The following WNK2 variants were observed in gnomAD, a reference collection of about 807,000 sequenced individuals.
WNK2 encodes WNK lysine deficient protein kinase 2.
WNK2 carries 67 observed loss-of-function variants against 192.1 expected under a neutral mutation model. The observed-to-expected ratio is 0.35, with a 90% CI of 0.29 to 0.43. WNK2 has a LOEUF of 0.43. Among genes scored for constraint, WNK2 ranks in the 20% least tolerant of loss-of-function variants. WNK2 has a pLI of 1.00. For missense variants in WNK2, 2,698 were observed against 3,089.7 expected (o/e 0.87, Z 3.01); for synonymous variants, 1,439 against 1,393.9 (o/e 1.03, Z -0.72).
chr9:93,287,658 G>T (rs942667944), intron 19 of WNK2, among the ~76,000 whole-genome samples: 1 of 152,204 alleles, frequency 6.6e-6, no homozygotes, highest in African/African-American at 2.4e-5. Flanking sequence ...GACCAAGGGA[G>T]TCTGGGGGCA....
chr9:93,271,892 T>C (rs953075490), intron 19 of WNK2, among the ~76,000 whole-genome samples: 6 of 152,222 alleles, frequency 3.9e-5, no homozygotes, highest in African/African-American at 1.4e-4. Flanking sequence ...AAATTATGCA[T>C]TACCTAGATT....
chr9:93,291,229 C>T (rs993530631), intron 21 of WNK2, among the ~76,000 whole-genome samples: 2 of 152,266 alleles, frequency 1.3e-5, no homozygotes, highest in South Asian at 2.1e-4. Flanking sequence ...CTGCCTGTGG[C>T]GCTCCACGGA....
At chr9:93,318,105 C>A in intron 29 of WNK2, 2 of 1,577,282 alleles carry the variant, frequency 1.3e-6, no homozygotes, top group South Asian at 1.1e-5. Context: ...CGTCACCCTG[C>A]AGAAGTACAG....
At chr9:93,245,074 G>A (rs947532870) in intron 7 of WNK2, among the ~76,000 whole-genome samples, 1 of 151,520 alleles carries the variant, frequency 6.6e-6, no homozygotes. Context: ...GACCAGGGCT[G>A]TTTCTGTTAG....
In WNK2 at chr9:93,289,340, C is replaced by T. The variant is rs775064287; in HGVS notation, c.4586C>T (p.Ser1529Leu). 39 of 1,606,824 alleles carry T rather than the reference C, an allele frequency of 2.4e-5. No homozygotes were observed. The African/African-American group carries it at 2.8e-4, about 12-fold the overall frequency. Residue 1529 changes from serine to leucine, a missense_variant, in exon 20 of 30, where the codon TCG becomes TTG. Around this residue, in one of 7 missense-constraint regions of WNK2, gnomAD observed 1,098 missense variants for 1,101.0 expected, o/e 1.00. Coordinates refer to ENST00000427277, the MANE Select transcript of WNK2 (RefSeq NM_006648.4). ...CCCACCGTCCCCCCACAGCCACCCT[C>T]GGCCCTGGAGTCGGATGGGGAAGGG... is the stretch of plus-strand genomic sequence containing the variant. ...LGPTVPPQPP[S>L]ALESDGEGPP... is the part of the protein sequence containing the mutation.
At chr9:93,293,646 C>G (rs1564191394) in intron 23 of WNK2, among the ~76,000 whole-genome samples, 1 of 152,048 alleles carries the variant, frequency 6.6e-6, no homozygotes, top group Non-Finnish European at 1.5e-5. Flanking sequence ...TAGACAGTCT[C>G]CCACTCAGAG....
intron 23 of WNK2, among the ~76,000 whole-genome samples, chr9:93,296,163 C>T (rs1201627955): frequency 1.5e-5 from 1 of 68,442 alleles, no homozygotes; most frequent in African/African-American, 6.4e-5. Flanking sequence ...TCACCACCCT[C>T]CCCTCACCAT....
chr9:93,318,755 G>A, intron 29 of WNK2: 1 of 1,421,022 alleles, frequency 7.0e-7, no homozygotes, highest in Non-Finnish European at 9.2e-7. Context: ...AGCCTGCTCT[G>A]CGGAGGGCGG....
intron 19 of WNK2, among the ~76,000 whole-genome samples, chr9:93,282,240 G>A (rs1051945550): frequency 4.6e-5 from 7 of 152,130 alleles, no homozygotes; most frequent in Non-Finnish European, 1.0e-4. Context: ...GCAAATGATA[G>A]TCTCTAGAAT....
intron 5 of WNK2, among the ~76,000 whole-genome samples, chr9:93,235,655 C>T (rs1188661376): frequency 5.3e-5 from 8 of 152,250 alleles, no homozygotes; most frequent in Non-Finnish European, 8.8e-5. Context: ...TTCTGCACCA[C>T]CCGTCTTGTT....
intron 4 of WNK2, among the ~76,000 whole-genome samples, chr9:93,231,978 A>G (rs1017981350): frequency 3.3e-5 from 5 of 152,164 alleles, no homozygotes; most frequent in African/African-American, 9.6e-5. Context: ...TGGGGCCAGG[A>G]TGATGGGAAA....
intron 19 of WNK2, among the ~76,000 whole-genome samples, chr9:93,284,016 C>A (rs1848092522): frequency 6.6e-6 from 1 of 152,192 alleles, no homozygotes; most frequent in South Asian, 2.1e-4. Flanking sequence ...AGAAAGAAAT[C>A]AGGCACATAT....
chr9:93,191,646 G>A (rs1259613567), intron 2 of WNK2, among the ~76,000 whole-genome samples: 2 of 152,108 alleles, frequency 1.3e-5, no homozygotes, highest in East Asian at 3.8e-4. Context: ...GGTACTGGGT[G>A]GGATAGAGGC....
chr9:93,290,033 C>A lies in WNK2; in HGVS notation c.4922C>A (p.Ser1641Tyr). 6.4e-7 allele frequency: 1 copy of A among 1,574,144 alleles called. No individual in the cohort carries two copies. Among genetic ancestry groups the A allele is most frequent in the Non-Finnish European group, 8.6e-7 (1 of 1,158,780 alleles). ...TRGAVMEQGT[S>Y]SSMTAESSPR... is the part of the protein sequence containing the mutation. Reference sequence around the variant, plus strand: ...GGGGCCGTGATGGAGCAGGGCACGTCCTCGTCAATGACAGGTAACAGCTTC... The same window carrying A: ...GGGGCCGTGATGGAGCAGGGCACGTACTCGTCAATGACAGGTAACAGCTTC... Residue 1641 changes from serine to tyrosine, a missense_variant, in exon 21 of 30, where the codon TCC (serine) becomes TAC (tyrosine). This residue lies in a region of WNK2 where 1,098 missense variants were observed against 1,101.0 expected (regional missense o/e 1.00). Coordinates refer to ENST00000427277, the MANE Select transcript of WNK2 (RefSeq NM_006648.4).
intron 19 of WNK2, among the ~76,000 whole-genome samples, chr9:93,280,345 ATAAC>A (rs1296792248): frequency 6.6e-6 from 1 of 152,262 alleles, no homozygotes; most frequent in Non-Finnish European, 1.5e-5. Flanking sequence ...CACTATTAAA[ATAAC>A]TAAACTTTAA....
chr9:93,216,775 G>A (rs1033064155), intron 2 of WNK2, among the ~76,000 whole-genome samples: 1 of 150,588 alleles, frequency 6.6e-6, no homozygotes, highest in Non-Finnish European at 1.5e-5. Context: ...GCACCACTGC[G>A]CTCCAGCCTG....
rs578136577 is a variant in WNK2 at position 93,294,388 on chromosome 9, T to C, written c.5708+1215T>C. 5.3e-5 allele frequency among the ~76,000 whole-genome samples: 8 copies of C among 152,306 alleles called. No homozygotes were observed. In the South Asian group the frequency reaches 1.7e-3, roughly 32 times the overall value. ...GAGGCCTCCAGGAAGGTGGCCCCCA[T>C]TGGCCACATGGCCCAACAGATCCTT... On this transcript the variant is annotated intron_variant, in intron 23 of 29. Transcript: ENST00000427277.
At chr9:93,258,795 C>G (rs1588239881) in intron 11 of WNK2, 136 bp from the exon 12 acceptor site, 1 of 732,212 alleles carries the variant, frequency 1.4e-6, no homozygotes, top group South Asian at 1.8e-5. Context: ...ACAAAGGTGT[C>G]TCGGAGGGAA....
rs778345212 is a variant in WNK2, at chr9:93,232,061, T to C, written c.1075+953T>C. 4.6e-5 allele frequency among the ~76,000 whole-genome samples: 7 copies of C among 152,160 alleles called. No homozygotes were observed. The East Asian group carries it at 5.8e-4, about 13-fold the overall frequency. ...CCAGATGGCACCCAATCGGATCAGA[T>C]TGGGAGAGGCTCCCCCATGTTAATG... On this transcript the variant is annotated intron_variant, in intron 4 of 29. Coordinates refer to ENST00000427277, the MANE Select transcript of WNK2 (RefSeq NM_006648.4).
Sources: allele counts gnomAD v4.1 joint callset (sites outside exome capture counted in the v4.1 genomes callset), GRCh38; gene constraint gnomAD v4.1.1; regional missense constraint gnomAD v4.1.1; transcripts MANE v1.5; gene names NCBI Gene and HGNC (gene_info 2026-07-23, HGNC 2026-07-21).